ZNF827: variants seen among roughly 807,000 people sequenced by gnomAD.
ZNF827 encodes the protein zinc finger protein 827.
ZNF827 carries 13 observed loss-of-function variants against 102.4 expected under a neutral mutation model. That is an observed-to-expected ratio of 0.13 (90% CI 0.08 to 0.20). ZNF827 has a LOEUF of 0.20. Among genes scored for constraint, ZNF827 ranks in the 10% least tolerant of loss-of-function variants. The pLI is 1.00. For missense variants in ZNF827, 1,103 were observed against 1,344.4 expected (o/e 0.82, Z 2.81); for synonymous variants, 523 against 536.2 (o/e 0.98, Z 0.34).
At chr4:145,821,836 C>T (rs946628155) in intron 8 of ZNF827, among the ~76,000 whole-genome samples, 2 of 152,170 alleles carry the variant, frequency 1.3e-5, no homozygotes, top group African/African-American at 4.8e-5. Flanking sequence ...AATGAAATCA[C>T]TCTTTAGGTC....
intron 13 of ZNF827, 102 bp downstream of exon 13, chr4:145,764,886 T>C (rs1465197749): frequency 6.5e-7 from 1 of 1,549,036 alleles, no homozygotes; most frequent in Non-Finnish European, 8.9e-7. Flanking sequence ...AAGCTCCCCT[T>C]CTCCATGACT....
chr4:145,767,549 C>T (rs570603179), intron 11 of ZNF827, among the ~76,000 whole-genome samples: 78 of 152,064 alleles, frequency 5.1e-4, no homozygotes, highest in African/African-American at 1.8e-3. Flanking sequence ...ACGAAGAAAC[C>T]TATACAAAAA....
At chr4:145,805,152 T>C (rs1002033697) in intron 8 of ZNF827, among the ~76,000 whole-genome samples, 3 of 151,798 alleles carry the variant, frequency 2.0e-5, no homozygotes, top group Admixed American at 2.0e-4. Flanking sequence ...TGTGTGTGTG[T>C]GTGTGTGTGC....
intron 4 of ZNF827, among the ~76,000 whole-genome samples, chr4:145,872,914 CTT>C (rs1241900393): frequency 6.7e-6 from 1 of 149,716 alleles, no homozygotes; most frequent in African/African-American, 2.5e-5. Flanking sequence ...ACAAGGTAGG[CTT>C]CATGAAGGCA....
chr4:145,824,066 G>A (rs1743426513), intron 7 of ZNF827, among the ~76,000 whole-genome samples: 1 of 152,166 alleles, frequency 6.6e-6, no homozygotes, highest in Non-Finnish European at 1.5e-5. Context: ...TGGTTCTGAT[G>A]GAGTTAAAGT....
chr4:145,909,293 G>A (rs115061864), intron 1 of ZNF827, among the ~76,000 whole-genome samples: 1 of 152,132 alleles, frequency 6.6e-6, no homozygotes, highest in Non-Finnish European at 1.5e-5. Context: ...GTAAATGACA[G>A]AAAACCAGCA....
At chr4:145,872,945 C>CTTT (rs201105472) in intron 4 of ZNF827, among the ~76,000 whole-genome samples, 2 of 130,608 alleles carry the variant, frequency 1.5e-5, no homozygotes, top group African/African-American at 2.8e-5. Flanking sequence ...TTTTTCTTTT[C>CTTT]TTTTTTTTTT....
chr4:145,851,598 C>T (rs925929817), intron 5 of ZNF827, among the ~76,000 whole-genome samples: 1 of 152,102 alleles, frequency 6.6e-6, no homozygotes, highest in African/African-American at 2.4e-5. Flanking sequence ...GTTAATTGCT[C>T]TTTTTTCTTC....
Position 145,902,147 on chromosome 4 carries a change from G to C in ZNF827, c.1093+19C>G, listed in dbSNP as rs1002634974. ...AGTCTAAAGGACTTACACGATGATTGAAAGAAAAGATGCCATACCTGAATT... is the reference window on the plus strand; with the variant it reads ...AGTCTAAAGGACTTACACGATGATTCAAAGAAAAGATGCCATACCTGAATT... On this transcript the variant is annotated intron_variant, in intron 2 of 14. Transcript: ENST00000508784. The surrounding 1 kb of genome is among the most constrained non-coding windows in gnomAD (Gnocchi z 4.3). 5 of 1,563,678 alleles carry C rather than the reference G, an allele frequency of 3.2e-6. No individual in the cohort carries two copies. The highest frequency in any genetic ancestry group is 4.3e-6 in the Non-Finnish European group (5 of 1,161,012).
At position 145,761,139 on chromosome 4, in the gene ZNF827, C is replaced by CGAA; in HGVS notation, c.*476_*477insTTC. On this transcript the variant is annotated 3_prime_UTR_variant, in exon 15 of 15. Transcript: ENST00000508784. The surrounding 1 kb of genome is among the most constrained non-coding windows in gnomAD (Gnocchi z 6.8). ...CCAGGAGCGGGGCCCCCGGGCCGGC[C>CGAA]GGTTCCTTGGGGGCTGGACACAGGC... 1 of 1,289,766 alleles carries CGAA rather than the reference C, an allele frequency of 7.8e-7. No individual in the cohort carries two copies. 79.9% of individuals were successfully genotyped at this position (1,289,766 alleles called of 1,614,324 possible).
chr4:145,829,314 G>A (rs2126531604), intron 7 of ZNF827, among the ~76,000 whole-genome samples: 1 of 152,264 alleles, frequency 6.6e-6, no homozygotes, highest in African/African-American at 2.4e-5. Flanking sequence ...TCTATTAAAT[G>A]TAAGAGTTTC....
At chr4:145,907,447 A>C (rs1751959096) in intron 1 of ZNF827, among the ~76,000 whole-genome samples, 1 of 152,204 alleles carries the variant, frequency 6.6e-6, no homozygotes, top group Non-Finnish European at 1.5e-5. Context: ...TGGACACAAC[A>C]AACTTTAGAA....
At chr4:145,825,591 A>G (rs775520194) in intron 7 of ZNF827, among the ~76,000 whole-genome samples, 10 of 152,204 alleles carry the variant, frequency 6.6e-5, no homozygotes, top group Non-Finnish European at 7.4e-5. Flanking sequence ...CACCACAGGT[A>G]CATTTGAGAA....
rs1431718951 is a variant in ZNF827, at chr4:145,938,766, C to A, written c.-359G>T. 2 of 225,406 alleles carry A rather than the reference C, an allele frequency of 8.9e-6. No individual in the cohort carries two copies. Among genetic ancestry groups the A allele is most frequent in the African/African-American group, 4.5e-5 (2 of 44,084 alleles). The allele number at this position is 225,406 out of a possible 1,614,324, so 14.0% of individuals were successfully genotyped here. On this transcript the variant is annotated 5_prime_UTR_variant, in exon 1 of 15. Coordinates refer to ENST00000508784, the MANE Select transcript of ZNF827 (RefSeq NM_001306215.2). ...GATGGGAGGTATAAATAAATGAGTGCCGGTGCGGCGGTGTCTATGGCCGCG... is the reference window on the plus strand; with the variant it reads ...GATGGGAGGTATAAATAAATGAGTGACGGTGCGGCGGTGTCTATGGCCGCG...
At chr4:145,849,068 T>A (rs1282400150) in intron 6 of ZNF827, among the ~76,000 whole-genome samples, 1 of 152,136 alleles carries the variant, frequency 6.6e-6, no homozygotes, top group Non-Finnish European at 1.5e-5. Context: ...ACAGGAATCA[T>A]TTGCGCAGAA....
At chr4:145,861,730 G>C (rs1205515906) in intron 5 of ZNF827, among the ~76,000 whole-genome samples, 1 of 152,044 alleles carries the variant, frequency 6.6e-6, no homozygotes, top group Non-Finnish European at 1.5e-5. Context: ...CCCACTCCCT[G>C]CTGCGTCCAG....
chr4:145,937,585 C>T (rs896764978), intron 1 of ZNF827, among the ~76,000 whole-genome samples: 3 of 146,280 alleles, frequency 2.1e-5, no homozygotes, highest in Admixed American at 6.8e-5. Context: ...GGCGCGCCCC[C>T]TCGCCTCGGC....
intron 4 of ZNF827, among the ~76,000 whole-genome samples, chr4:145,875,228 G>A (rs1749059141): frequency 6.6e-6 from 1 of 152,060 alleles, no homozygotes; most frequent in Non-Finnish European, 1.5e-5. Context: ...TAATTACATA[G>A]GGATCAAACC....
intron 5 of ZNF827, among the ~76,000 whole-genome samples, chr4:145,855,543 C>A (rs1428063964): frequency 2.0e-5 from 3 of 151,934 alleles, no homozygotes; most frequent in African/African-American, 7.3e-5. Context: ...TTGGGACTGG[C>A]ACCCGCTGGC....
Sources: allele counts gnomAD v4.1 joint callset (sites outside exome capture counted in the v4.1 genomes callset), GRCh38; gene constraint gnomAD v4.1.1; non-coding constraint Gnocchi (gnomAD v3.1); transcripts MANE v1.5; gene names NCBI Gene and HGNC (gene_info 2026-07-23, HGNC 2026-07-21).